Variants in CABLES1 observed in about 807,000 individuals in gnomAD.
CABLES1 encodes the protein Cdk5 and Abl enzyme substrate 1.
Under a neutral mutation model 57.8 loss-of-function variants are expected in CABLES1, and 36 were observed. The observed-to-expected ratio is 0.62, with a 90% CI of 0.48 to 0.82. The LOEUF (loss-of-function observed/expected upper bound fraction) is 0.82, where lower values mean the gene tolerates loss of function less well. CABLES1 is among the 40% of genes least tolerant of loss of function. The pLI, the probability that CABLES1 is intolerant of heterozygous loss-of-function variation, is 0.00. For synonymous variants in CABLES1, 374 were observed against 363.0 expected (o/e 1.03, Z -0.35); for missense variants, 767 against 836.6 (o/e 0.92, Z 1.03).
chr18:23,138,415 C>A (rs934688656), intron 1 of CABLES1, among the ~76,000 whole-genome samples: 1 of 152,220 alleles, frequency 6.6e-6, no homozygotes, highest in Admixed American at 6.5e-5. Context: ...ACCTGACAGT[C>A]ACTTTCATCC....
At chr18:23,243,380 A>G (rs2047784608) in intron 7 of CABLES1, among the ~76,000 whole-genome samples, 1 of 151,312 alleles carries the variant, frequency 6.6e-6, no homozygotes, top group Non-Finnish European at 1.5e-5. Flanking sequence ...GCATCCTGCC[A>G]GCTTTAGGTT....
At chr18:23,178,945 T>A (rs1568055703) in intron 1 of CABLES1, among the ~76,000 whole-genome samples, 1 of 152,204 alleles carries the variant, frequency 6.6e-6, no homozygotes, top group East Asian at 1.9e-4. Flanking sequence ...TAATTTGGTT[T>A]TTGCCTGATT....
In CABLES1 at chr18:23,214,047, C is replaced by G; in HGVS notation, c.1081C>G (p.Gln361Glu). ...AGTGCTGCCGTATCGCGACAGTACC[C>G]AAGTCGGGTATGTATATGCATGCAT... is the stretch of plus-strand genomic sequence containing the variant. ...FSVLPYRDST[Q>E]VGDLKLDGGR... The change falls in exon 4 of 10, where the codon CAA becomes GAA. Residue 361 changes from glutamine (Q) to glutamate (E), a missense_variant. Physicochemically the swap from Gln to Glu is conservative, Grantham distance 29. This residue lies in a region of CABLES1 where 529 missense variants were observed against 622.8 expected (regional missense o/e 0.85). Coordinates refer to ENST00000256925, the MANE Select transcript of CABLES1 (RefSeq NM_001100619.3). 1 of 1,610,720 alleles carries G rather than the reference C, an allele frequency of 6.2e-7. No homozygotes were observed. The highest frequency in any genetic ancestry group is 8.5e-7 in the Non-Finnish European group (1 of 1,177,340).
intron 1 of CABLES1, among the ~76,000 whole-genome samples, chr18:23,143,614 C>T (rs147259538): frequency 6.6e-6 from 1 of 152,158 alleles, no homozygotes; most frequent in South Asian, 2.1e-4. Flanking sequence ...AGGACAGAAT[C>T]GAGTAGTTGC....
intron 3 of CABLES1, among the ~76,000 whole-genome samples, chr18:23,206,602 G>A (rs1054106045): frequency 1.3e-5 from 2 of 152,180 alleles, no homozygotes; most frequent in Non-Finnish European, 1.5e-5. Flanking sequence ...GGATGTCCAC[G>A]TTGGACTTCT....
chr18:23,150,213 T>TTG (rs1322129301), intron 1 of CABLES1, among the ~76,000 whole-genome samples: 1 of 142,794 alleles, frequency 7.0e-6, no homozygotes, highest in Admixed American at 6.9e-5. Flanking sequence ...GTTTGTTTTT[T>TTG]TTTTTTTTTT....
intron 1 of CABLES1, among the ~76,000 whole-genome samples, chr18:23,150,486 G>C (rs973361349): frequency 6.6e-6 from 1 of 152,122 alleles, no homozygotes; most frequent in Non-Finnish European, 1.5e-5. Context: ...AAAGTGCTGG[G>C]ATTACAGCCG....
intron 3 of CABLES1, chr18:23,197,002 A>T (rs1046494412): frequency 6.6e-6 from 1 of 152,248 alleles, no homozygotes. Flanking sequence ...AGGCCCCAGT[A>T]TTGAGGAGGA....
intron 1 of CABLES1, among the ~76,000 whole-genome samples, chr18:23,150,605 G>A (rs2046922559): frequency 6.6e-6 from 1 of 152,144 alleles, no homozygotes; most frequent in Non-Finnish European, 1.5e-5. Context: ...GCCCCGGAGG[G>A]GTGGGACCCC....
chr18:23,216,078 G>A (rs959139027), intron 4 of CABLES1, among the ~76,000 whole-genome samples: 3 of 152,162 alleles, frequency 2.0e-5, no homozygotes, highest in Non-Finnish European at 2.9e-5. Flanking sequence ...ATACATGCTG[G>A]AGATACCCAG....
intron 1 of CABLES1, among the ~76,000 whole-genome samples, chr18:23,185,077 A>G (rs1210874213): frequency 6.6e-6 from 1 of 152,236 alleles, no homozygotes; most frequent in Non-Finnish European, 1.5e-5. Flanking sequence ...GAATTACCGA[A>G]TATGCTGGGT....
rs947310481 is a variant in CABLES1, at chr18:23,137,769, A to G, written c.845+1162A>G. The stretch of plus-strand genomic sequence containing the variant: ...TTTGCCCCTAGTGTACTTCTTCCGA[A>G]GTGGGTGAAATCATGAGGGTGCTAG... On this transcript the variant is annotated intron_variant, in intron 1 of 9. Coordinates refer to ENST00000256925, the MANE Select transcript of CABLES1 (RefSeq NM_001100619.3). 5.9e-5 allele frequency among the ~76,000 whole-genome samples: 9 copies of G among 152,136 alleles called. 1 individual carries two copies. The South Asian group carries it at 1.7e-3, about 28-fold the overall frequency.
At chr18:23,179,532 G>A (rs1051478563) in intron 1 of CABLES1, among the ~76,000 whole-genome samples, 1 of 152,214 alleles carries the variant, frequency 6.6e-6, no homozygotes, top group African/African-American at 2.4e-5. Context: ...TCAGAGGTAT[G>A]GATGGCATCA....
At chr18:23,224,597 C>T (rs1200873251) in intron 4 of CABLES1, among the ~76,000 whole-genome samples, 1 of 115,226 alleles carries the variant, frequency 8.7e-6, no homozygotes, top group Non-Finnish European at 1.6e-5. Context: ...GAGACAGAGT[C>T]TCTCTCAGTT....
chr18:23,170,240 C>A (rs1046869379), intron 1 of CABLES1, among the ~76,000 whole-genome samples: 2 of 152,124 alleles, frequency 1.3e-5, no homozygotes, highest in African/African-American at 4.8e-5. Context: ...TTTGTAAAGC[C>A]CTTAGCAGAG....
At chr18:23,245,921 C>T (rs997725679) in intron 7 of CABLES1, among the ~76,000 whole-genome samples, 1 of 152,250 alleles carries the variant, frequency 6.6e-6, no homozygotes, top group Non-Finnish European at 1.5e-5. Flanking sequence ...CTGCGGGCCA[C>T]AAGGAGCCCT....
At chr18:23,239,662 A>G (rs1453971996) in intron 7 of CABLES1, among the ~76,000 whole-genome samples, 1 of 152,224 alleles carries the variant, frequency 6.6e-6, no homozygotes, top group Non-Finnish European at 1.5e-5. Context: ...TGAACCAAGT[A>G]TTGATTGAGG....
chr18:23,189,543 C>T (rs2047226386), intron 2 of CABLES1, among the ~76,000 whole-genome samples: 1 of 152,192 alleles, frequency 6.6e-6, no homozygotes, highest in Non-Finnish European at 1.5e-5. Flanking sequence ...GCACCCCCTT[C>T]CATCCTCACT....
intron 1 of CABLES1, among the ~76,000 whole-genome samples, chr18:23,163,066 T>C (rs1376393649): frequency 1.3e-5 from 2 of 152,088 alleles, no homozygotes; most frequent in Non-Finnish European, 2.9e-5. Context: ...TCCTTGGTGA[T>C]GGACTGAAGG....
Sources: allele counts gnomAD v4.1 joint callset (sites outside exome capture counted in the v4.1 genomes callset), GRCh38; gene constraint gnomAD v4.1.1; regional missense constraint gnomAD v4.1.1; transcripts MANE v1.5; gene names NCBI Gene and HGNC (gene_info 2026-07-23, HGNC 2026-07-21).